CELF4: variants seen among roughly 807,000 people sequenced by gnomAD.
CELF4 encodes CUGBP Elav-like family member 4, also known as CUG-BP- and ETR-3-like factor 4.
Under a neutral mutation model 59.9 loss-of-function variants are expected in CELF4, and 18 were observed. That is an observed-to-expected ratio of 0.30 (90% CI 0.21 to 0.45). The LOEUF (loss-of-function observed/expected upper bound fraction) is 0.45, where lower values mean the gene tolerates loss of function less well. Among genes scored for constraint, CELF4 ranks in the 20% least tolerant of loss-of-function variants. CELF4 has a pLI of 1.00. For synonymous variants in CELF4, 261 were observed against 267.1 expected (o/e 0.98, Z 0.22); for missense variants, 456 against 689.0 (o/e 0.66, Z 3.79).
chr18:37,340,137 A>G lies in CELF4; in HGVS notation c.370-18256T>C, dbSNP rs566872083. ...CCCAGCCTGGGGGGCACTGATAGGA[A>G]AATGTCCGCACACATTTTCCTACCA... On this transcript the variant is annotated intron_variant, in intron 2 of 12. Transcript: ENST00000420428. Among the ~76,000 whole-genome samples the G allele has an allele frequency of 2.6e-5, 4 of 152,318 alleles. No homozygotes were observed. The South Asian group carries it at 6.2e-4, about 24-fold the overall frequency.
chr18:37,369,848 C>T (rs2098837673), intron 2 of CELF4, among the ~76,000 whole-genome samples: 1 of 152,228 alleles, frequency 6.6e-6, no homozygotes, highest in Non-Finnish European at 1.5e-5. Flanking sequence ...CACAACAGAT[C>T]CCAAGAGATA....
chr18:37,444,614 G>GCACACACA (rs1217107289), intron 2 of CELF4, among the ~76,000 whole-genome samples: 1 of 71,326 alleles, frequency 1.4e-5, no homozygotes, highest in Non-Finnish European at 2.9e-5. Flanking sequence ...TCTCTAGCAT[G>GCACACACA]CATACACACA....
chr18:37,532,123 T>C (rs1376558722), intron 1 of CELF4, among the ~76,000 whole-genome samples: 2 of 152,206 alleles, frequency 1.3e-5, no homozygotes, highest in Non-Finnish European at 2.9e-5. Flanking sequence ...CCCTAGCACC[T>C]CTCTGCTGTT....
chr18:37,333,206 G>A (rs1229757468), intron 2 of CELF4, among the ~76,000 whole-genome samples: 1 of 152,154 alleles, frequency 6.6e-6, no homozygotes, highest in African/African-American at 2.4e-5. Flanking sequence ...GCATATCCAC[G>A]TATCCCCTCA....
intron 3 of CELF4, among the ~76,000 whole-genome samples, chr18:37,293,127 C>T (rs909976355): frequency 2.0e-5 from 3 of 152,226 alleles, no homozygotes; most frequent in African/African-American, 4.8e-5. Flanking sequence ...TGGGGACCTG[C>T]ATCCTCAGCC....
At chr18:37,325,962 C>G (rs992764542) in intron 2 of CELF4, among the ~76,000 whole-genome samples, 3 of 152,166 alleles carry the variant, frequency 2.0e-5, no homozygotes, top group Non-Finnish European at 2.9e-5. Context: ...CAGTCTTGGT[C>G]GGGAAGATTT....
In CELF4 at chr18:37,259,182, G is replaced by C. The variant is rs1419294006; in HGVS notation, c.1332C>G (p.Phe444Leu). The C allele has an allele frequency of 1.2e-6, 2 of 1,612,546 alleles. No homozygotes were observed. The change falls in exon 11 of 13, where the codon TTC becomes TTG. Residue 444 changes from phenylalanine (F) to leucine (L), a missense_variant and splice_region_variant. Phe to Leu is a conservative substitution (Grantham distance 22, BLOSUM62 0). Coordinates refer to ENST00000420428, the MANE Select transcript of CELF4 (RefSeq NM_020180.4). The stretch of plus-strand genomic sequence containing the variant: ...ACACTTTCGAGGAGATGACATTACC[G>C]AAAGGGAGGAACATCTGCATCAGCT... ...DAELMQMFLP[F>L]GFVSFDNPAS...
chr18:37,289,201 G>A lies in CELF4; in HGVS notation c.449-13958C>T, dbSNP rs1267226115. On this transcript the variant is annotated intron_variant, in intron 3 of 12. Transcript: ENST00000420428. ...GGGATGGGGGCTGGCAGAGGGGGCA[G>A]TACACGGTGGAGCAGCAGGAAGAGT... 3.9e-5 allele frequency among the ~76,000 whole-genome samples: 6 copies of A among 152,256 alleles called. No homozygotes were observed. The East Asian group carries it at 1.2e-3, about 29-fold the overall frequency.
At chr18:37,497,651 CAAAAA>C (rs58015103) in intron 1 of CELF4, among the ~76,000 whole-genome samples, 1 of 118,300 alleles carries the variant, frequency 8.5e-6, no homozygotes, top group Non-Finnish European at 1.8e-5. Flanking sequence ...GACTCTGTCT[CAAAAA>C]AAAAAAAAAA....
In CELF4 at chr18:37,459,634, T is replaced by C. The variant is rs145000956; in HGVS notation, c.369+25891A>G. On this transcript the variant is annotated intron_variant, in intron 2 of 12. Coordinates refer to ENST00000420428, the MANE Select transcript of CELF4 (RefSeq NM_020180.4). ...GTGTGACCCAAACTCCTGTCACACA[T>C]GAGCCTGTGGGCCATGTGACCTTGG... is the stretch of plus-strand genomic sequence containing the variant. Among the ~76,000 whole-genome samples the C allele has an allele frequency of 1.2e-3, 175 of 152,162 alleles. 1 individual carries two copies. Among genetic ancestry groups the C allele is most frequent in the Non-Finnish European group, 2.0e-3 (139 of 67,990 alleles).
intron 2 of CELF4, among the ~76,000 whole-genome samples, chr18:37,335,092 C>T (rs1282824452): frequency 1.4e-5 from 2 of 147,270 alleles, no homozygotes; most frequent in Non-Finnish European, 3.0e-5. Context: ...TCGTCCAAGT[C>T]TCTTTTCCTG....
chr18:37,538,604 C>A (rs1038538804), intron 1 of CELF4, among the ~76,000 whole-genome samples: 4 of 152,312 alleles, frequency 2.6e-5, no homozygotes, highest in East Asian at 3.9e-4. Flanking sequence ...CTGCCTGGGA[C>A]TAGTGATTCC....
At chr18:37,339,125 T>C (rs2097895379) in intron 2 of CELF4, among the ~76,000 whole-genome samples, 1 of 152,216 alleles carries the variant, frequency 6.6e-6, no homozygotes, top group Admixed American at 6.5e-5. Flanking sequence ...TTGATTTCCA[T>C]CATAAATCAT....
At chr18:37,369,552 A>G (rs892583456) in intron 2 of CELF4, among the ~76,000 whole-genome samples, 3 of 152,096 alleles carry the variant, frequency 2.0e-5, no homozygotes, top group African/African-American at 7.2e-5. Context: ...TAATTTTACA[A>G]TTCTTTAGAC....
At chr18:37,419,650 C>T (rs2154593545) in intron 2 of CELF4, among the ~76,000 whole-genome samples, 1 of 152,288 alleles carries the variant, frequency 6.6e-6, no homozygotes, top group Non-Finnish European at 1.5e-5. Flanking sequence ...GCCTGGCCTT[C>T]CTCTCCTGAG....
intron 2 of CELF4, among the ~76,000 whole-genome samples, chr18:37,380,792 A>AATCCATCCATCCACCC (rs2099029683): frequency 7.4e-6 from 1 of 134,758 alleles, no homozygotes; most frequent in Admixed American, 7.3e-5. Context: ...TTTCTCCATG[A>AATCCATCCATCCACCC]ATCCATCCAT....
chr18:37,462,469 C>A (rs928108212), intron 2 of CELF4, among the ~76,000 whole-genome samples: 1 of 152,206 alleles, frequency 6.6e-6, no homozygotes, highest in African/African-American at 2.4e-5. Flanking sequence ...CCCAATCCTT[C>A]CCTGGTGGAT....
At chr18:37,277,351 C>T (rs562109923) in intron 3 of CELF4, among the ~76,000 whole-genome samples, 8 of 152,370 alleles carry the variant, frequency 5.3e-5, no homozygotes, top group African/African-American at 1.9e-4. Flanking sequence ...TCAAGCTGCT[C>T]TTCTGGCTCC....
intron 2 of CELF4, among the ~76,000 whole-genome samples, chr18:37,448,214 ACT>A (rs1285781100): frequency 6.6e-6 from 1 of 152,202 alleles, no homozygotes; most frequent in Non-Finnish European, 1.5e-5. Context: ...GTCTCTTGTC[ACT>A]GAGGCCTTGA....
Sources: gnomAD v4.1 joint callset for allele counts (sites outside exome capture counted in the v4.1 genomes callset) on GRCh38, gnomAD v4.1.1 for gene constraint, MANE v1.5 for transcripts, NCBI Gene and HGNC (gene_info 2026-07-23, HGNC 2026-07-21) for gene names.